Variants in FHIT observed in about 807,000 individuals in gnomAD.
The protein encoded by FHIT is bis(5'-adenosyl)-triphosphatase.
A neutral mutation model predicts 17.9 loss-of-function variants in FHIT; 19 were observed. The ratio of observed to expected loss-of-function variants is 1.06; its 90% CI spans 0.74 to 1.56. FHIT has a LOEUF of 1.56. FHIT is among the 40% of genes most tolerant of loss of function. The pLI is 0.00. For synonymous variants in FHIT, 81 were observed against 69.7 expected (o/e 1.16, Z -0.81); for missense variants, 248 against 189.2 (o/e 1.31, Z -1.82).
intron 5 of FHIT, among the ~76,000 whole-genome samples, chr3:60,396,771 A>C (rs1169656684): frequency 6.6e-6 from 1 of 152,206 alleles, no homozygotes; most frequent in Non-Finnish European, 1.5e-5. Flanking sequence ...TGTTCACTTA[A>C]AATGATTAAT....
chr3:60,558,168 C>G (rs1448109592), intron 4 of FHIT, among the ~76,000 whole-genome samples: 1 of 151,880 alleles, frequency 6.6e-6, no homozygotes, highest in Non-Finnish European at 1.5e-5. Context: ...CTCATGGAAG[C>G]GGGGCTCAGA....
At chr3:60,419,841 T>TAGATGA (rs1702403636) in intron 5 of FHIT, among the ~76,000 whole-genome samples, 1 of 152,168 alleles carries the variant, frequency 6.6e-6, no homozygotes, top group South Asian at 2.1e-4. Context: ...GGGCATAATA[T>TAGATGA]CATCTATACT....
At chr3:60,784,201 G>A (rs1700485561) in intron 4 of FHIT, among the ~76,000 whole-genome samples, 2 of 152,094 alleles carry the variant, frequency 1.3e-5, no homozygotes, top group Non-Finnish European at 1.5e-5. Context: ...TTCTGTCCAC[G>A]GGAAGCCCTG....
chr3:60,645,871 T>A (rs1553686618), intron 4 of FHIT, among the ~76,000 whole-genome samples: 1 of 152,208 alleles, frequency 6.6e-6, no homozygotes. Context: ...TATAAATGAC[T>A]TCACAACCAA....
At chr3:60,920,612 A>T (rs1185269063) in intron 3 of FHIT, among the ~76,000 whole-genome samples, 6 of 152,120 alleles carry the variant, frequency 3.9e-5, no homozygotes, top group Admixed American at 3.3e-4. Context: ...GAGGAAACCC[A>T]ACATGCCAAG....
At chr3:59,990,563 A>T (rs1709181895) in intron 7 of FHIT, among the ~76,000 whole-genome samples, 1 of 151,990 alleles carries the variant, frequency 6.6e-6, no homozygotes, top group South Asian at 2.1e-4. Flanking sequence ...TTGGCTCCCT[A>T]ATTAGGGCAT....
At chr3:60,405,800 G>A (rs1394872506) in intron 5 of FHIT, among the ~76,000 whole-genome samples, 1 of 152,226 alleles carries the variant, frequency 6.6e-6, no homozygotes, top group Non-Finnish European at 1.5e-5. Context: ...ATTCTGCAAT[G>A]TACACAGCAG....
At chr3:60,242,181 G>A (rs901088318) in intron 5 of FHIT, among the ~76,000 whole-genome samples, 1 of 152,042 alleles carries the variant, frequency 6.6e-6, no homozygotes, top group East Asian at 1.9e-4. Flanking sequence ...TATACAAGAG[G>A]ATGTTAATGA....
intron 4 of FHIT, among the ~76,000 whole-genome samples, chr3:60,726,161 C>A (rs2041912801): frequency 2.0e-5 from 3 of 152,136 alleles, no homozygotes; most frequent in Non-Finnish European, 2.9e-5. Flanking sequence ...GGATTGGTCT[C>A]CCCTTCTAAC....
At chr3:60,943,200 A>G (rs1310601596) in intron 3 of FHIT, among the ~76,000 whole-genome samples, 1 of 152,092 alleles carries the variant, frequency 6.6e-6, no homozygotes, top group Non-Finnish European at 1.5e-5. Flanking sequence ...TGAGAGAAAA[A>G]TGGTTAAAAC....
At chr3:61,222,070 G>T (rs188892073) in intron 1 of FHIT, among the ~76,000 whole-genome samples, 4 of 152,238 alleles carry the variant, frequency 2.6e-5, no homozygotes, top group Admixed American at 2.6e-4. Context: ...TGCGGAGAGG[G>T]AGTCTGGTTG....
At chr3:60,021,014 A>G (rs934821117) in intron 5 of FHIT, among the ~76,000 whole-genome samples, 10 of 152,190 alleles carry the variant, frequency 6.6e-5, no homozygotes, top group African/African-American at 9.7e-5. Context: ...CAGTAACTCA[A>G]TAAAGGGTTC....
intron 3 of FHIT, among the ~76,000 whole-genome samples, chr3:60,989,128 G>A (rs2029940562): frequency 6.6e-6 from 1 of 151,972 alleles, no homozygotes; most frequent in Non-Finnish European, 1.5e-5. Flanking sequence ...ATACCCCCAT[G>A]AAGATGACAA....
intron 5 of FHIT, among the ~76,000 whole-genome samples, chr3:60,515,527 T>C (rs2035119520): frequency 6.6e-6 from 1 of 151,680 alleles, no homozygotes; most frequent in Non-Finnish European, 1.5e-5. Flanking sequence ...GTCATAGACC[T>C]GGCTCTGCTT....
At chr3:60,235,744 T>C (rs1704749528) in intron 5 of FHIT, among the ~76,000 whole-genome samples, 1 of 152,154 alleles carries the variant, frequency 6.6e-6, no homozygotes, top group South Asian at 2.1e-4. Context: ...AAGAAAGCTG[T>C]CATGCTTGCT....
chr3:59,855,390 T>C (rs780971357), intron 8 of FHIT, among the ~76,000 whole-genome samples: 1 of 152,232 alleles, frequency 6.6e-6, no homozygotes, highest in Non-Finnish European at 1.5e-5. Flanking sequence ...CAGGGTTTTA[T>C]TGCATGTATA....
chr3:60,448,180 C>T (rs1340358059), intron 5 of FHIT, among the ~76,000 whole-genome samples: 1 of 152,074 alleles, frequency 6.6e-6, no homozygotes, highest in East Asian at 1.9e-4. Flanking sequence ...TTAGTCTCTT[C>T]CTTAACATGC....
At chr3:59,760,223 C>T (rs150584288) in intron 8 of FHIT, among the ~76,000 whole-genome samples, 1 of 152,276 alleles carries the variant, frequency 6.6e-6, no homozygotes, top group East Asian at 1.9e-4. Context: ...TAATTAGTGG[C>T]ATCCCATTTT....
chr3:60,306,890 G>A (rs576298087), intron 5 of FHIT, among the ~76,000 whole-genome samples: 1 of 152,196 alleles, frequency 6.6e-6, no homozygotes, highest in South Asian at 2.1e-4. Flanking sequence ...AATCATGGAG[G>A]ATTGATCGTG....
Sources: allele counts gnomAD v4.1 joint callset (sites outside exome capture counted in the v4.1 genomes callset), GRCh38; gene constraint gnomAD v4.1.1; transcripts MANE v1.5; gene names NCBI Gene and HGNC (gene_info 2026-07-23, HGNC 2026-07-21).